Variants in LPAR3 observed in about 807,000 individuals in gnomAD.
LPAR3 encodes lysophosphatidic acid receptor 3.
In LPAR3, 7 loss-of-function variants were observed where a neutral mutation model predicts 17.8. The ratio of observed to expected loss-of-function variants is 0.39; its 90% CI spans 0.22 to 0.74. LPAR3 has a LOEUF of 0.74. Among genes scored for constraint, LPAR3 ranks in the 30% least tolerant of loss-of-function variants. The pLI is 0.40. For synonymous variants in LPAR3, 179 were observed against 179.9 expected, an observed-to-expected ratio of 0.99 and a Z score of 0.04; for missense variants, 391 against 453.4, an observed-to-expected ratio of 0.86 and a Z score of 1.25.
chr1:84,820,729 T>C (rs376457792), intron 2 of LPAR3, among the ~76,000 whole-genome samples: 4 of 152,138 alleles, frequency 2.6e-5, no homozygotes, highest in African/African-American at 7.2e-5. Context: ...TAGGCACCCA[T>C]TGTATGTAAT....
chr1:84,853,132 A>T (rs1256676775), intron 2 of LPAR3, among the ~76,000 whole-genome samples: 1 of 151,930 alleles, frequency 6.6e-6, no homozygotes, highest in African/African-American at 2.4e-5. Context: ...ACCAAGAACA[A>T]AAGTCTGGTA....
chr1:84,860,206 C>T (rs772496780), intron 2 of LPAR3, among the ~76,000 whole-genome samples: 3 of 152,186 alleles, frequency 2.0e-5, no homozygotes, highest in African/African-American at 4.8e-5. Flanking sequence ...ACATCACCAT[C>T]ATCACTACCA....
chr1:84,892,218 T>G (rs1213252995), intron 1 of LPAR3, among the ~76,000 whole-genome samples: 3 of 72,800 alleles, frequency 4.1e-5, no homozygotes, highest in African/African-American at 1.5e-4. Flanking sequence ...GTCTCAAAAA[T>G]AAATAAATAA....
At chr1:84,847,312 A>T (rs1659611051) in intron 2 of LPAR3, among the ~76,000 whole-genome samples, 2 of 152,324 alleles carry the variant, frequency 1.3e-5, no homozygotes, top group Non-Finnish European at 2.9e-5. Flanking sequence ...TTTCTTCAAA[A>T]CAGGGATGTC....
intron 1 of LPAR3, among the ~76,000 whole-genome samples, chr1:84,889,386 T>C (rs1486326788): frequency 6.6e-6 from 1 of 152,102 alleles, no homozygotes; most frequent in Non-Finnish European, 1.5e-5. Flanking sequence ...ATGGTATAGG[T>C]GGACCCAATA....
chr1:84,863,895 C>CTA (rs1659988385), intron 2 of LPAR3, among the ~76,000 whole-genome samples: 1 of 152,168 alleles, frequency 6.6e-6, no homozygotes, highest in African/African-American at 2.4e-5. Context: ...TCTACCTTAC[C>CTA]CATCAGTAAA....
chr1:84,817,234 TAAGTG>T (rs1658950959), intron 2 of LPAR3, among the ~76,000 whole-genome samples: 1 of 78,484 alleles, frequency 1.3e-5, no homozygotes, highest in Non-Finnish European at 3.2e-5. Flanking sequence ...GGTAGGCAAC[TAAGTG>T]ATAAATATTT....
Position 84,813,160 on chromosome 1 carries a change from GACACACACAC to G in LPAR3, c.*676_*685del, listed in dbSNP as rs10610638. The G allele has an allele frequency of 1.0e-5, 1 of 99,526 alleles. No homozygotes were observed. The highest frequency in any genetic ancestry group is 4.4e-5 in the African/African-American group (1 of 22,608). The allele number at this position is 99,526 out of a possible 1,614,324, so 6.2% of individuals were successfully genotyped here. ...ATATATATATATATATATATATATA[GACACACACAC>G]ACACACACACACACATGCATATACA... On this transcript the variant is annotated 3_prime_UTR_variant, in exon 3 of 3. Transcript: ENST00000370611.
At chr1:84,823,366 G>A (rs895891871) in intron 2 of LPAR3, among the ~76,000 whole-genome samples, 17 of 152,068 alleles carry the variant, frequency 1.1e-4, no homozygotes, top group East Asian at 3.8e-4. Flanking sequence ...GATTGTCACC[G>A]ATGTGAAAGG....
chr1:84,867,703 A>G (rs574711126), intron 1 of LPAR3, among the ~76,000 whole-genome samples: 2 of 152,298 alleles, frequency 1.3e-5, no homozygotes, highest in East Asian at 3.9e-4. Context: ...TTCAATTACA[A>G]GAAAGGAAGA....
intron 2 of LPAR3, among the ~76,000 whole-genome samples, chr1:84,840,562 A>G (rs531245238): frequency 6.6e-6 from 1 of 152,348 alleles, no homozygotes; most frequent in South Asian, 2.1e-4. Flanking sequence ...TATACAAACA[A>G]TAAACTTTTA....
At chr1:84,881,686 A>C (rs1430137546) in intron 1 of LPAR3, among the ~76,000 whole-genome samples, 3 of 152,178 alleles carry the variant, frequency 2.0e-5, no homozygotes, top group African/African-American at 7.2e-5. Context: ...ACTAAGCTTA[A>C]GACAGTACCA....
At chr1:84,857,199 A>T (rs1659846026) in intron 2 of LPAR3, among the ~76,000 whole-genome samples, 1 of 152,188 alleles carries the variant, frequency 6.6e-6, no homozygotes, top group South Asian at 2.1e-4. Flanking sequence ...ACTGGACATA[A>T]AAGGGCATTC....
In LPAR3 at chr1:84,867,308, T is replaced by C. The variant is rs144922868; in HGVS notation, c.-18-1170A>G. Reference sequence around the variant, plus strand: ...GGCTTAGGGTCAGGGTTCTAGCTTCTTGGAAGAATGACCATCTGCTCCCTC... The same window carrying C: ...GGCTTAGGGTCAGGGTTCTAGCTTCCTGGAAGAATGACCATCTGCTCCCTC... On this transcript the variant is annotated intron_variant, in intron 1 of 2. Coordinates refer to ENST00000370611, the MANE Select transcript of LPAR3 (RefSeq NM_012152.3). 9.5e-3 allele frequency among the ~76,000 whole-genome samples: 1,448 copies of C among 152,298 alleles called. 6 individuals carry two copies. The highest frequency in any genetic ancestry group is 0.013 in the Non-Finnish European group (887 of 68,022).
At chr1:84,850,410 A>G (rs550190113) in intron 2 of LPAR3, among the ~76,000 whole-genome samples, 131 of 151,238 alleles carry the variant, frequency 8.7e-4, no homozygotes, top group African/African-American at 2.7e-3. Context: ...AAAAAAAAAA[A>G]AAAAAAAGAA....
chr1:84,888,179 CAGAG>C (rs1225298118), intron 1 of LPAR3, among the ~76,000 whole-genome samples: 1 of 24,738 alleles, frequency 4.0e-5, no homozygotes, highest in Non-Finnish European at 8.0e-5. Context: ...CACACACACA[CAGAG>C]AGAGGCAGAG....
intron 2 of LPAR3, among the ~76,000 whole-genome samples, chr1:84,828,182 C>T (rs1268675674): frequency 6.6e-6 from 1 of 152,146 alleles, no homozygotes; most frequent in Non-Finnish European, 1.5e-5. Flanking sequence ...TGGACACACA[C>T]ACAGATGTAG....
rs1658846270 is a variant in LPAR3 at position 84,813,105 on chromosome 1, A to G, written c.*741T>C. 7.0e-6 allele frequency: 1 copy of G among 141,924 alleles called. No individual in the cohort carries two copies. The highest frequency in any genetic ancestry group is 7.1e-5 in the Admixed American group (1 of 14,072). The allele number at this position is 141,924 out of a possible 1,614,324, so 8.8% of individuals were successfully genotyped here. On this transcript the variant is annotated 3_prime_UTR_variant, in exon 3 of 3. Transcript: ENST00000370611. The stretch of plus-strand genomic sequence containing the variant: ...CCCCAGATATCTTTGAACAAAATCA[A>G]TAAAAATCAGTAAAAACAGGAATAT...
chr1:84,870,976 C>T (rs918384639), intron 1 of LPAR3, among the ~76,000 whole-genome samples: 1 of 152,104 alleles, frequency 6.6e-6, no homozygotes, highest in East Asian at 1.9e-4. Context: ...TTCTAAATAG[C>T]CTTTGGCCTT....
Sources: allele counts gnomAD v4.1 joint callset (sites outside exome capture counted in the v4.1 genomes callset), GRCh38; gene constraint gnomAD v4.1.1; transcripts MANE v1.5; gene names NCBI Gene and HGNC (gene_info 2026-07-23, HGNC 2026-07-21).